GNG12: variants seen among roughly 807,000 people sequenced by gnomAD.
GNG12 encodes G protein subunit gamma 12, also known as guanine nucleotide-binding protein G(I)/G(S)/G(O) subunit gamma-12.
For synonymous variants in GNG12, 28 were observed against 29.7 expected, an observed-to-expected ratio of 0.94 and a Z score of 0.19; for missense variants, 69 against 83.8, an observed-to-expected ratio of 0.82 and a Z score of 0.69.
intron 2 of GNG12, among the ~76,000 whole-genome samples, chr1:67,767,548 T>C (rs666325): frequency 1 from 152,286 of 152,354 alleles, 76,109 homozygotes; most frequent in Middle Eastern, 1. Context: ...TATGCAACCC[T>C]CCTTCCAGAC....
At chr1:67,707,554 C>A in intron 3 of GNG12, 40 bp downstream of exon 3, 1 of 1,043,606 alleles carries the variant, frequency 9.6e-7, no homozygotes, top group East Asian at 2.4e-5. Context: ...ACAGGGGGAA[C>A]TGAGCAGAAA....
At chr1:67,711,125 G>A (rs1646292789) in intron 2 of GNG12, among the ~76,000 whole-genome samples, 1 of 152,186 alleles carries the variant, frequency 6.6e-6, no homozygotes, top group Non-Finnish European at 1.5e-5. Context: ...AAGTTTAGGA[G>A]ATAGGTAATT....
At chr1:67,833,150 C>A (rs1242488082) in intron 1 of GNG12, among the ~76,000 whole-genome samples, 194 bp downstream of exon 1, 6 of 151,612 alleles carry the variant, frequency 4.0e-5, no homozygotes, top group Non-Finnish European at 7.4e-5. Context: ...CGGCGCCCAG[C>A]GCCCAGACCA....
At chr1:67,743,373 T>C (rs1234570849) in intron 2 of GNG12, among the ~76,000 whole-genome samples, 1 of 152,164 alleles carries the variant, frequency 6.6e-6, no homozygotes, top group African/African-American at 2.4e-5. Context: ...TATAACAAAA[T>C]GCAATACATC....
intron 1 of GNG12, among the ~76,000 whole-genome samples, chr1:67,781,568 G>A (rs1646737867): frequency 1.3e-5 from 2 of 152,088 alleles, no homozygotes; most frequent in African/African-American, 4.8e-5. Flanking sequence ...ATACATGCAA[G>A]GAGTGAAGTG....
At chr1:67,807,034 G>A (rs1406915829) in intron 1 of GNG12, among the ~76,000 whole-genome samples, 1 of 151,794 alleles carries the variant, frequency 6.6e-6, no homozygotes, top group Non-Finnish European at 1.5e-5. Context: ...ACCACACACT[G>A]GGCCATAAAA....
At chr1:67,743,809 C>T (rs1646495123) in intron 2 of GNG12, among the ~76,000 whole-genome samples, 1 of 152,116 alleles carries the variant, frequency 6.6e-6, no homozygotes, top group African/African-American at 2.4e-5. Flanking sequence ...ATGAGGCAGA[C>T]CAGTCATCCA....
chr1:67,827,618 G>A lies in GNG12; in HGVS notation c.-77+5726C>T, dbSNP rs186708021. On this transcript the variant is annotated intron_variant, in intron 1 of 3. Coordinates refer to ENST00000370982, the MANE Select transcript of GNG12 (RefSeq NM_018841.6). ...TTTTTTGTATTTTTAGTAGAGACGGGGTTTCATCATGTTAGCCAGGATGGT... is the reference window on the plus strand; with the variant it reads ...TTTTTTGTATTTTTAGTAGAGACGGAGTTTCATCATGTTAGCCAGGATGGT... 3.8e-3 allele frequency among the ~76,000 whole-genome samples: 581 copies of A among 152,006 alleles called. 4 individuals are homozygous for A. Among genetic ancestry groups the A allele is most frequent in the Middle Eastern group, 0.017 (5 of 290 alleles).
chr1:67,815,877 T>TA (rs909345219), intron 1 of GNG12, among the ~76,000 whole-genome samples: 11 of 152,132 alleles, frequency 7.2e-5, no homozygotes, highest in Non-Finnish European at 1.6e-4. Flanking sequence ...TGCAGAGACT[T>TA]AGAGTACACT....
chr1:67,733,518 A>G (rs767473326), intron 2 of GNG12, among the ~76,000 whole-genome samples: 2 of 152,228 alleles, frequency 1.3e-5, no homozygotes, highest in Non-Finnish European at 1.5e-5. Context: ...TTTTCACTCA[A>G]TAATAAACAT....
At chr1:67,824,967 G>C (rs764857439) in intron 1 of GNG12, among the ~76,000 whole-genome samples, 3 of 152,160 alleles carry the variant, frequency 2.0e-5, no homozygotes, top group African/African-American at 7.2e-5. Context: ...GGCAAAGATA[G>C]GAACACTAGG....
intron 1 of GNG12, among the ~76,000 whole-genome samples, chr1:67,812,249 A>C (rs1186890034): frequency 6.6e-6 from 1 of 152,210 alleles, no homozygotes; most frequent in Non-Finnish European, 1.5e-5. Flanking sequence ...AATCTGTATC[A>C]AAACCAAAAA....
chr1:67,704,637 T>C lies in GNG12; in HGVS notation c.*814A>G, dbSNP rs886231324. ...CAGCTGCCTGGAGTCCTCCCAAGGG[T>C]CTCCTCCCCTTTTCCAGACTCAGCA... On this transcript the variant is annotated 3_prime_UTR_variant, in exon 4 of 4. Transcript: ENST00000370982. 6.6e-6 allele frequency: 1 copy of C among 152,488 alleles called. No homozygotes were observed. Among genetic ancestry groups the C allele is most frequent in the African/African-American group, 2.4e-5 (1 of 41,390 alleles). The allele number at this position is 152,488 out of a possible 1,614,324, so 9.4% of individuals were successfully genotyped here. A position where few individuals can be genotyped will look rare whatever the true frequency, so the allele number is the denominator to read the frequency against.
At chr1:67,739,804 T>G (rs1232708114) in intron 2 of GNG12, among the ~76,000 whole-genome samples, 1 of 152,198 alleles carries the variant, frequency 6.6e-6, no homozygotes, top group African/African-American at 2.4e-5. Flanking sequence ...CTGCTTAATT[T>G]AAACCTAACC....
At chr1:67,750,970 G>A (rs1180064281) in intron 2 of GNG12, among the ~76,000 whole-genome samples, 1 of 152,072 alleles carries the variant, frequency 6.6e-6, no homozygotes, top group African/African-American at 2.4e-5. Context: ...ACACTAACAG[G>A]TAAGGAGTTA....
At chr1:67,739,059 G>GTCCC (rs1646468445) in intron 2 of GNG12, among the ~76,000 whole-genome samples, 1 of 152,248 alleles carries the variant, frequency 6.6e-6, no homozygotes, top group Middle Eastern at 3.4e-3. Context: ...GGCGTCTGTA[G>GTCCC]TCCCAGCTAC....
chr1:67,745,104 A>G (rs1473006333), intron 2 of GNG12, among the ~76,000 whole-genome samples: 1 of 152,252 alleles, frequency 6.6e-6, no homozygotes, highest in Non-Finnish European at 1.5e-5. Flanking sequence ...AGTGCTTGGC[A>G]CATGGTAAAT....
Position 67,750,067 on chromosome 1 carries a change from G to C in GNG12, c.-27+27391C>G, listed in dbSNP as rs144111763. Among the ~76,000 whole-genome samples the C allele has an allele frequency of 4.4e-3, 666 of 152,294 alleles. 5 individuals carry two copies. Among genetic ancestry groups the C allele is most frequent in the African/African-American group, 0.015 (637 of 41,554 alleles). ...ACAGAAGGTACCCACTGCCCAGCCT[G>C]CCAACAACCTATCTTCCTTTAAACA... On this transcript the variant is annotated intron_variant, in intron 2 of 3. Transcript: ENST00000370982.
chr1:67,800,835 C>T (rs1570560200), intron 1 of GNG12, among the ~76,000 whole-genome samples: 1 of 149,816 alleles, frequency 6.7e-6, no homozygotes, highest in Non-Finnish European at 1.5e-5. Flanking sequence ...TAAACTTGAC[C>T]TTGTGAACTC....
Sources: gnomAD v4.1 joint callset for allele counts (sites outside exome capture counted in the v4.1 genomes callset) on GRCh38, gnomAD v4.1.1 for gene constraint, MANE v1.5 for transcripts, NCBI Gene and HGNC (gene_info 2026-07-23, HGNC 2026-07-21) for gene names.